The following GPR137C variants were observed in gnomAD, a reference collection of about 807,000 sequenced individuals.
GPR137C encodes G protein-coupled receptor 137C, also known as integral membrane protein GPR137C.
A neutral mutation model predicts 43.4 loss-of-function variants in GPR137C; 27 were observed. That is an observed-to-expected ratio of 0.62 (90% CI 0.46 to 0.86). The LOEUF (loss-of-function observed/expected upper bound fraction) is 0.86, where lower values mean the gene tolerates loss of function less well. GPR137C is among the 40% of genes least tolerant of loss of function. GPR137C has a pLI of 0.00. For synonymous variants in GPR137C, 285 were observed against 226.9 expected (o/e 1.26, Z -2.30); for missense variants, 522 against 534.6 (o/e 0.98, Z 0.23).
chr14:52,588,244 A>T (rs371280542), intron 1 of GPR137C, among the ~76,000 whole-genome samples: 86 of 152,174 alleles, frequency 5.7e-4, no homozygotes, highest in African/African-American at 1.9e-3. Context: ...TCCCGAGTTC[A>T]GGCAATTCTC....
intron 3 of GPR137C, among the ~76,000 whole-genome samples, chr14:52,624,963 G>T (rs186590361): frequency 6.6e-6 from 1 of 152,250 alleles, no homozygotes; most frequent in East Asian, 1.9e-4. Context: ...GTAAATTTGA[G>T]AACTGAGATG....
chr14:52,608,374 AAAG>A (rs1457340681), intron 3 of GPR137C, among the ~76,000 whole-genome samples: 1 of 152,248 alleles, frequency 6.6e-6, no homozygotes, highest in Non-Finnish European at 1.5e-5. Flanking sequence ...AAGAGAAAAC[AAAG>A]AACACTGTAC....
At chr14:52,631,300 C>T (rs1242174813) in intron 3 of GPR137C, among the ~76,000 whole-genome samples, 1 of 152,098 alleles carries the variant, frequency 6.6e-6, no homozygotes. Context: ...TCTAGCATCC[C>T]TGGACGTTGT....
At chr14:52,620,588 A>C (rs953987558) in intron 3 of GPR137C, among the ~76,000 whole-genome samples, 5 of 152,032 alleles carry the variant, frequency 3.3e-5, no homozygotes, top group Non-Finnish European at 5.9e-5. Flanking sequence ...CCAAAACTCA[A>C]AAGGCAATGA....
chr14:52,608,273 T>A (rs964001879), intron 3 of GPR137C, among the ~76,000 whole-genome samples: 1 of 152,320 alleles, frequency 6.6e-6, no homozygotes, highest in East Asian at 1.9e-4. Context: ...GTTATAGATT[T>A]TTGCTTTGTG....
intron 1 of GPR137C, among the ~76,000 whole-genome samples, chr14:52,567,750 C>G (rs1377963585): frequency 6.6e-6 from 1 of 150,554 alleles, no homozygotes; most frequent in Non-Finnish European, 1.5e-5. Flanking sequence ...ACCTCTGCTT[C>G]CCAGGTTCAA....
At chr14:52,604,468 G>A (rs1017007530) in intron 3 of GPR137C, among the ~76,000 whole-genome samples, 1 of 150,582 alleles carries the variant, frequency 6.6e-6, no homozygotes, top group African/African-American at 2.4e-5. Context: ...TTGAGACAGA[G>A]TCTAGCTCTG....
chr14:52,633,516 T>C lies in GPR137C; in HGVS notation c.868-14T>C. The C allele has an allele frequency of 6.2e-7, 1 of 1,609,020 alleles. No individual in the cohort carries two copies. The highest frequency in any genetic ancestry group is 8.5e-7 in the Non-Finnish European group (1 of 1,176,628). On this transcript the variant is annotated splice_polypyrimidine_tract_variant and intron_variant, in intron 4 of 6. Transcript: ENST00000321662. ...AAACAGATGTAAAAATTCTCTGCCA[T>C]GCTCTATTTACAGGCTCATGTAGAA...
intron 1 of GPR137C, among the ~76,000 whole-genome samples, chr14:52,571,995 A>G (rs2038478592): frequency 6.6e-6 from 1 of 152,250 alleles, no homozygotes; most frequent in Non-Finnish European, 1.5e-5. Flanking sequence ...TAGAATATCC[A>G]GAAGAAATGG....
At chr14:52,577,800 A>C (rs1217121759) in intron 1 of GPR137C, among the ~76,000 whole-genome samples, 2 of 52,920 alleles carry the variant, frequency 3.8e-5, no homozygotes, top group African/African-American at 1.7e-4. Context: ...CCATCTCTAC[A>C]AAAAAAAAAA....
intron 2 of GPR137C, among the ~76,000 whole-genome samples, chr14:52,599,141 A>T (rs2038892788): frequency 2.0e-5 from 3 of 152,200 alleles, no homozygotes; most frequent in African/African-American, 7.2e-5. Flanking sequence ...GTTCGTGCAG[A>T]TAGTTGTTAC....
intron 1 of GPR137C, among the ~76,000 whole-genome samples, chr14:52,581,655 G>A (rs577085328): frequency 6.6e-6 from 1 of 152,278 alleles, no homozygotes; most frequent in Non-Finnish European, 1.5e-5. Flanking sequence ...CTTGGGAATG[G>A]TGCGCTACTC....
chr14:52,598,364 A>G, intron 2 of GPR137C, 49 bp downstream of exon 2: 1 of 784,362 alleles, frequency 1.3e-6, no homozygotes, highest in Non-Finnish European at 2.0e-6. Flanking sequence ...CTAAAGCATT[A>G]ATTCATTAAT....
chr14:52,563,287 C>T (rs1047398669), intron 1 of GPR137C, among the ~76,000 whole-genome samples: 2 of 152,148 alleles, frequency 1.3e-5, no homozygotes, highest in African/African-American at 2.4e-5. Context: ...CTCTTCTTTC[C>T]AAGTGATCAC....
At chr14:52,572,025 C>T (rs1307953693) in intron 1 of GPR137C, among the ~76,000 whole-genome samples, 2 of 152,180 alleles carry the variant, frequency 1.3e-5, no homozygotes, top group Non-Finnish European at 2.9e-5. Context: ...TGGACACATA[C>T]ACCCTCCCAA....
rs775792789 is a variant in GPR137C at position 52,553,610 on chromosome 14, C to G, written c.444+19C>G. On this transcript the variant is annotated intron_variant, in intron 1 of 6. Transcript: ENST00000321662. ...GGCGGAGGTAAGGCGGGAGGGCCGG[C>G]ATGCGGGGCCCGGGCGGGTGCGCGG... The G allele has an allele frequency of 5.2e-6, 8 of 1,536,650 alleles. No individual in the cohort carries two copies. Among genetic ancestry groups the G allele is most frequent in the Non-Finnish European group, 6.1e-6 (7 of 1,138,308 alleles).
At chr14:52,560,554 A>T (rs192666417) in intron 1 of GPR137C, among the ~76,000 whole-genome samples, 1 of 152,230 alleles carries the variant, frequency 6.6e-6, no homozygotes, top group Non-Finnish European at 1.5e-5. Context: ...TGGGGAAAAG[A>T]TAGACATATA....
At chr14:52,591,145 T>C (rs561329358) in intron 1 of GPR137C, among the ~76,000 whole-genome samples, 2 of 152,322 alleles carry the variant, frequency 1.3e-5, no homozygotes, top group East Asian at 3.9e-4. Flanking sequence ...CCCATGTCCC[T>C]GCAAAGGACA....
At chr14:52,602,540 A>C (rs1416943135) in intron 3 of GPR137C, among the ~76,000 whole-genome samples, 1 of 152,062 alleles carries the variant, frequency 6.6e-6, no homozygotes, top group Non-Finnish European at 1.5e-5. Context: ...AATAAAACAC[A>C]GTATGCCCTC....
Sources: gnomAD v4.1 joint callset for allele counts (sites outside exome capture counted in the v4.1 genomes callset) on GRCh38, gnomAD v4.1.1 for gene constraint, MANE v1.5 for transcripts, NCBI Gene and HGNC (gene_info 2026-07-23, HGNC 2026-07-21) for gene names.